Variants in RBFOX1 observed in about 807,000 individuals in gnomAD.
The protein encoded by RBFOX1 is RNA binding fox-1 homolog 1.
Under a neutral mutation model 57.7 loss-of-function variants are expected in RBFOX1, and 8 were observed. The ratio of observed to expected loss-of-function variants is 0.14; its 90% CI spans 0.08 to 0.25. The LOEUF (loss-of-function observed/expected upper bound fraction) is 0.25. Among genes scored for constraint, RBFOX1 ranks in the 10% least tolerant of loss-of-function variants. RBFOX1 has a pLI of 1.00. For missense variants in RBFOX1, 611 were observed against 548.5 expected (o/e 1.11, Z -1.14); for synonymous variants, 326 against 222.4 (o/e 1.47, Z -4.15).
intron 4 of RBFOX1, among the ~76,000 whole-genome samples, chr16:7,230,045 A>G (rs1378129872): frequency 5.0e-5 from 3 of 59,998 alleles, no homozygotes; most frequent in Non-Finnish European, 7.3e-5. Context: ...AGGGAGAGAG[A>G]GGAAGGAAAG....
chr16:5,590,046 TACACACACACACAC>T (rs148421648), intron 2 of RBFOX1, among the ~76,000 whole-genome samples: 4 of 142,886 alleles, frequency 2.8e-5, no homozygotes, highest in Admixed American at 1.4e-4. Context: ...GTCTGCGTGT[TACACACACACACAC>T]ACACACACAC....
At chr16:6,733,133 T>C (rs566792821) in intron 3 of RBFOX1, among the ~76,000 whole-genome samples, 84 of 152,274 alleles carry the variant, frequency 5.5e-4, no homozygotes, top group African/African-American at 1.9e-3. Flanking sequence ...TGAATGCAAA[T>C]ATCAAAATGT....
At chr16:6,632,349 A>C (rs1602080949) in intron 2 of RBFOX1, among the ~76,000 whole-genome samples, 1 of 151,948 alleles carries the variant, frequency 6.6e-6, no homozygotes, top group African/African-American at 2.4e-5. Flanking sequence ...AAAAAAAAAA[A>C]GGTCTGAACT....
At chr16:6,233,167 T>C (rs576261625) in intron 1 of RBFOX1, among the ~76,000 whole-genome samples, 19 of 152,120 alleles carry the variant, frequency 1.2e-4, no homozygotes, top group African/African-American at 1.2e-4. Context: ...AGGTTATGTA[T>C]TGTGATTGGG....
At chr16:7,214,957 T>G (rs1042652985) in intron 4 of RBFOX1, among the ~76,000 whole-genome samples, 10 of 152,156 alleles carry the variant, frequency 6.6e-5, no homozygotes, top group African/African-American at 2.4e-4. Flanking sequence ...GTTACATAGG[T>G]GTCCACGTGC....
At chr16:5,410,507 A>G (rs1056378736) in intron 1 of RBFOX1, among the ~76,000 whole-genome samples, 1 of 152,246 alleles carries the variant, frequency 6.6e-6, no homozygotes. Flanking sequence ...TTCTAATGAA[A>G]TATACCTTGT....
intron 2 of RBFOX1, among the ~76,000 whole-genome samples, chr16:5,520,930 T>A (rs1314872806): frequency 6.6e-6 from 1 of 152,128 alleles, no homozygotes; most frequent in Non-Finnish European, 1.5e-5. Flanking sequence ...TGGAGTGAAG[T>A]TACACGAGGA....
intron 3 of RBFOX1, among the ~76,000 whole-genome samples, chr16:5,637,324 T>C (rs1461372653): frequency 6.6e-6 from 1 of 152,142 alleles, no homozygotes; most frequent in Admixed American, 6.5e-5. Context: ...CCAGTTTAAA[T>C]AAGTCATGTC....
chr16:6,015,133 A>G (rs2094985587), upstream of RBFOX1, among the ~76,000 whole-genome samples: 1 of 152,176 alleles, frequency 6.6e-6, no homozygotes, highest in Non-Finnish European at 1.5e-5. Flanking sequence ...ATGGGATTAC[A>G]GGTATGAGCA....
At chr16:7,324,922 A>T (rs1468139643) in intron 4 of RBFOX1, among the ~76,000 whole-genome samples, 1 of 152,222 alleles carries the variant, frequency 6.6e-6, no homozygotes, top group Non-Finnish European at 1.5e-5. Flanking sequence ...TTTGGTTTCA[A>T]AAATTGCATT....
Position 6,610,583 on chromosome 16 carries a change from G to A in RBFOX1, c.-63-44020G>A, listed in dbSNP as rs117450638. ...GGTCTCACAGGATCCTCCCACCTTA[G>A]CCTCCCGAAATGCTGGGATTACCGG... On this transcript the variant is annotated intron_variant, in intron 2 of 15. Transcript: ENST00000550418. Among the ~76,000 whole-genome samples, 18 of 152,150 alleles carry A rather than the reference G, an allele frequency of 1.2e-4. No homozygotes were observed. The East Asian group carries it at 3.5e-3, about 29-fold the overall frequency.
intron 4 of RBFOX1, among the ~76,000 whole-genome samples, chr16:6,006,407 C>T (rs1376591960): frequency 6.6e-6 from 1 of 152,044 alleles, no homozygotes; most frequent in East Asian, 1.9e-4. Context: ...TGTTCTCCTT[C>T]TGCTGGAGTT....
intron 4 of RBFOX1, among the ~76,000 whole-genome samples, chr16:7,264,735 C>A (rs773007988): frequency 6.6e-6 from 1 of 152,128 alleles, no homozygotes; most frequent in African/African-American, 2.4e-5. Flanking sequence ...ATCAACCATT[C>A]TTAGCTCTTG....
chr16:5,651,902 G>C (rs866874684), intron 3 of RBFOX1, among the ~76,000 whole-genome samples: 2 of 152,170 alleles, frequency 1.3e-5, no homozygotes, highest in Non-Finnish European at 2.9e-5. Flanking sequence ...GAAGGCCAAG[G>C]CAGGAGGATC....
intron 3 of RBFOX1, among the ~76,000 whole-genome samples, chr16:5,729,581 TCCAGGGTACCC>T (rs2052286133): frequency 6.6e-6 from 1 of 152,096 alleles, no homozygotes; most frequent in Non-Finnish European, 1.5e-5. Flanking sequence ...ATTATATTTG[TCCAGGGTACCC>T]AAGATAATTT....
At chr16:5,580,599 G>C (rs1191575152) in intron 2 of RBFOX1, among the ~76,000 whole-genome samples, 1 of 152,192 alleles carries the variant, frequency 6.6e-6, no homozygotes, top group African/African-American at 2.4e-5. Context: ...CCTTTGTGAG[G>C]CTTCAGCCTT....
At chr16:6,762,365 C>A (rs111615895) in intron 3 of RBFOX1, among the ~76,000 whole-genome samples, 5 of 151,870 alleles carry the variant, frequency 3.3e-5, no homozygotes, top group Admixed American at 1.3e-4. Context: ...TTTTAGCAAC[C>A]CTTACTAGTG....
chr16:6,905,301 C>G (rs968939647), intron 3 of RBFOX1, among the ~76,000 whole-genome samples: 1 of 151,782 alleles, frequency 6.6e-6, no homozygotes, highest in African/African-American at 2.4e-5. Context: ...TTCCTGTAAT[C>G]CTAGAACTTT....
chr16:6,909,340 A>G (rs2070942146), intron 3 of RBFOX1, among the ~76,000 whole-genome samples: 1 of 152,118 alleles, frequency 6.6e-6, no homozygotes, highest in Non-Finnish European at 1.5e-5. Context: ...TCTTGTAAGG[A>G]ACTTTGTGAT....
Sources: allele counts gnomAD v4.1 joint callset (sites outside exome capture counted in the v4.1 genomes callset), GRCh38; gene constraint gnomAD v4.1.1; transcripts MANE v1.5; gene names NCBI Gene and HGNC (gene_info 2026-07-23, HGNC 2026-07-21).